The following ZFAT variants were observed in gnomAD, a reference collection of about 807,000 sequenced individuals.
ZFAT encodes zinc finger and AT-hook domain containing.
Under a neutral mutation model 117.7 loss-of-function variants are expected in ZFAT, and 64 were observed. The observed-to-expected ratio is 0.54, with a 90% CI of 0.44 to 0.67. The LOEUF is 0.67. ZFAT is among the 30% of genes least tolerant of loss of function. The probability of loss-of-function intolerance (pLI) is 0.00; values close to 1 mark genes in which losing one functional copy is unlikely to be tolerated. For missense variants in ZFAT, 1,433 were observed against 1,584.5 expected, an observed-to-expected ratio of 0.90 and a Z score of 1.62; for synonymous variants, 679 against 615.0, an observed-to-expected ratio of 1.10 and a Z score of -1.54.
At chr8:134,747,171 C>T in the ZFAT span, among the ~76,000 whole-genome samples, 1 of 152,108 alleles carries the variant, frequency 6.6e-6, no homozygotes, top group Non-Finnish European at 1.5e-5. Context: ...TCACTGCAGC[C>T]TCGACCTCCC....
chr8:134,678,927 C>T (rs1430533278), intron 1 of ZFAT, among the ~76,000 whole-genome samples: 1 of 152,160 alleles, frequency 6.6e-6, no homozygotes. Context: ...ACACCTTATA[C>T]AAAAATTAAC....
chr8:134,643,985 C>T (rs1830732418), intron 2 of ZFAT, among the ~76,000 whole-genome samples: 1 of 152,128 alleles, frequency 6.6e-6, no homozygotes, highest in Non-Finnish European at 1.5e-5. Flanking sequence ...TGGTAAATGC[C>T]CAGAAGAGAC....
At chr8:134,675,879 A>G (rs1451440068) in intron 1 of ZFAT, among the ~76,000 whole-genome samples, 1 of 152,210 alleles carries the variant, frequency 6.6e-6, no homozygotes, top group African/African-American at 2.4e-5. Flanking sequence ...AATCCTTTAC[A>G]GACAAGCAAA....
At chr8:134,675,981 T>C (rs1217857144) in intron 1 of ZFAT, among the ~76,000 whole-genome samples, 1 of 152,096 alleles carries the variant, frequency 6.6e-6, no homozygotes, top group Non-Finnish European at 1.5e-5. Flanking sequence ...CACCAGCCAC[T>C]GCAAAAACAT....
chr8:134,562,048 T>A (rs893553912), intron 11 of ZFAT, among the ~76,000 whole-genome samples: 3 of 152,194 alleles, frequency 2.0e-5, no homozygotes, highest in African/African-American at 7.2e-5. Flanking sequence ...TGTTGTGGGT[T>A]ATCTCAGTGG....
At chr8:134,604,545 C>T (rs953591765) in intron 5 of ZFAT, among the ~76,000 whole-genome samples, 5 of 152,220 alleles carry the variant, frequency 3.3e-5, no homozygotes, top group Non-Finnish European at 7.3e-5. Context: ...GCTTCTTCTC[C>T]AGCCGTAACT....
chr8:134,549,559 G>A (rs1037670592), intron 11 of ZFAT, among the ~76,000 whole-genome samples: 1 of 152,084 alleles, frequency 6.6e-6, no homozygotes, highest in Non-Finnish European at 1.5e-5. Flanking sequence ...CCCGCAGCAA[G>A]AAGAATACTG....
chr8:134,519,942 T>C (rs542386711), intron 13 of ZFAT, among the ~76,000 whole-genome samples: 5 of 152,240 alleles, frequency 3.3e-5, no homozygotes, highest in East Asian at 1.9e-4. Flanking sequence ...TTTCATATTA[T>C]AATGGATGTT....
the ZFAT span, among the ~76,000 whole-genome samples, chr8:134,768,029 CTTTT>C: frequency 6.6e-6 from 1 of 152,164 alleles, no homozygotes; most frequent in African/African-American, 2.4e-5. Context: ...TATCCCACAT[CTTTT>C]TGTCTTTTCA....
Position 134,657,671 on chromosome 8 carries a change from G to T in ZFAT, c.86C>A (p.Ser29Tyr). Reference sequence around the variant, plus strand: ...TTCCATGTGCTTCTCTGAAACGTGGGAGAGGAGTTCCGACTGATTTGGTGA... The same window carrying T: ...TTCCATGTGCTTCTCTGAAACGTGGTAGAGGAGTTCCGACTGATTTGGTGA... Reference protein sequence around the residue: ...LFSPNQSELLSHVSEKHMEEG... With the variant: ...LFSPNQSELLYHVSEKHMEEG... Residue 29 changes from serine (S) to tyrosine (Y), a missense_variant, in exon 2 of 16, where the codon TCC (serine) becomes TAC (tyrosine). Coordinates refer to ENST00000377838, the MANE Select transcript of ZFAT (RefSeq NM_020863.4). 2 of 1,614,136 alleles carry T rather than the reference G, an allele frequency of 1.2e-6. No homozygotes were observed. The highest frequency in any genetic ancestry group is 1.1e-5 in the South Asian group (1 of 91,080).
chr8:134,722,239 G>T, the ZFAT span, among the ~76,000 whole-genome samples: 6 of 152,244 alleles, frequency 3.9e-5, no homozygotes, highest in Non-Finnish European at 8.8e-5. Context: ...GAGGGGTGGA[G>T]AGTCCCTGGG....
At chr8:134,815,035 ACC>A in the ZFAT span, among the ~76,000 whole-genome samples, 1 of 152,248 alleles carries the variant, frequency 6.6e-6, no homozygotes, top group Admixed American at 6.5e-5. Flanking sequence ...AGGAAAAAAG[ACC>A]AACTCTTAAG....
At chr8:134,603,064 G>A in intron 5 of ZFAT, 131 bp from the exon 6 acceptor site, 1 of 1,245,458 alleles carries the variant, frequency 8.0e-7, no homozygotes, top group Admixed American at 2.4e-5. Context: ...GATGGGTGCA[G>A]TCACTCACTC....
At chr8:134,622,179 G>A (rs528094581) in intron 3 of ZFAT, among the ~76,000 whole-genome samples, 5 of 152,212 alleles carry the variant, frequency 3.3e-5, no homozygotes, top group East Asian at 1.9e-4. Flanking sequence ...GGTTTCTTTC[G>A]GTTTGTATTA....
At chr8:134,669,445 A>G (rs1174963262) in intron 1 of ZFAT, among the ~76,000 whole-genome samples, 1 of 152,244 alleles carries the variant, frequency 6.6e-6, no homozygotes, top group Non-Finnish European at 1.5e-5. Flanking sequence ...GGAAGCCAAT[A>G]TTCAACATTC....
intron 2 of ZFAT, among the ~76,000 whole-genome samples, chr8:134,638,097 C>A (rs150899174): frequency 6.6e-6 from 1 of 152,142 alleles, no homozygotes; most frequent in Non-Finnish European, 1.5e-5. Context: ...CTTTGCAAAG[C>A]GTTCTCAAAG....
intron 12 of ZFAT, among the ~76,000 whole-genome samples, chr8:134,532,156 C>T (rs546624109): frequency 6.6e-6 from 1 of 152,160 alleles, no homozygotes; most frequent in Non-Finnish European, 1.5e-5. Flanking sequence ...AAAAACCCCA[C>T]AAAGTTTTAA....
chr8:134,480,603 C>T (rs930429783), intron 15 of ZFAT, among the ~76,000 whole-genome samples: 44 of 152,210 alleles, frequency 2.9e-4, no homozygotes, highest in Admixed American at 4.6e-4. Context: ...TGGGCTCTTG[C>T]AGGGGCAGCC....
At chr8:134,775,444 A>G in the ZFAT span, among the ~76,000 whole-genome samples, 2 of 152,234 alleles carry the variant, frequency 1.3e-5, no homozygotes, top group Admixed American at 1.3e-4. Context: ...TGGCTGGTTT[A>G]TTTCTGGTTC....
Sources: allele counts gnomAD v4.1 joint callset (sites outside exome capture counted in the v4.1 genomes callset), GRCh38; gene constraint gnomAD v4.1.1; transcripts MANE v1.5; gene names NCBI Gene and HGNC (gene_info 2026-07-23, HGNC 2026-07-21).